Variants in PPP1R36 observed in about 807,000 individuals in gnomAD.
PPP1R36 encodes chromosome 14 open reading frame 50.
In PPP1R36, 47 loss-of-function variants were observed where a neutral mutation model predicts 53.4. The ratio of observed to expected loss-of-function variants is 0.88; its 90% CI spans 0.70 to 1.12. The LOEUF (loss-of-function observed/expected upper bound fraction) is 1.12, where lower values mean the gene tolerates loss of function less well. PPP1R36 is among the 50% of genes most tolerant of loss of function. The probability of loss-of-function intolerance (pLI) is 0.00; values close to 1 mark genes in which losing one functional copy is unlikely to be tolerated. For missense variants in PPP1R36, 456 were observed against 513.9 expected (o/e 0.89, Z 1.09); for synonymous variants, 153 against 170.5 (o/e 0.90, Z 0.80).
chr14:64,561,774 C>T (rs1456524836), intron 3 of PPP1R36: 1 of 456,044 alleles, frequency 2.2e-6, no homozygotes, highest in Non-Finnish European at 4.4e-6. Flanking sequence ...TATCCTTTCT[C>T]TTCTTGCTTC....
At chr14:64,580,494 C>T (rs2080379936) in intron 8 of PPP1R36, among the ~76,000 whole-genome samples, 1 of 152,186 alleles carries the variant, frequency 6.6e-6, no homozygotes, top group African/African-American at 2.4e-5. Flanking sequence ...GCAATTTTTA[C>T]ACAAACCTTT....
intron 6 of PPP1R36, among the ~76,000 whole-genome samples, chr14:64,567,242 G>A (rs773349240): frequency 6.6e-6 from 1 of 152,180 alleles, no homozygotes; most frequent in Non-Finnish European, 1.5e-5. Context: ...AAAATATTTA[G>A]AAAGAAAACA....
At position 64,589,136 on chromosome 14, in the gene PPP1R36, AT is replaced by A; in HGVS notation, c.1083-15del. 6.2e-7 allele frequency: 1 copy of A among 1,606,710 alleles called. No individual in the cohort carries two copies. Among genetic ancestry groups the A allele is most frequent in the Non-Finnish European group, 8.5e-7 (1 of 1,175,950 alleles). The stretch of plus-strand genomic sequence containing the variant: ...TGGCCTCATCACTTCAGCTATCCCA[AT>A]AATTCTTTTCACAGAGTTGGCATCT... On this transcript the variant is annotated splice_polypyrimidine_tract_variant and intron_variant, in intron 11 of 11. Transcript: ENST00000298705.
At chr14:64,566,966 G>A (rs2080263426) in intron 6 of PPP1R36, among the ~76,000 whole-genome samples, 1 of 152,214 alleles carries the variant, frequency 6.6e-6, no homozygotes, top group African/African-American at 2.4e-5. Flanking sequence ...CAGCCTCTTT[G>A]TTGGCTTCCT....
At chr14:64,560,441 G>GA (rs71123862) in intron 3 of PPP1R36, among the ~76,000 whole-genome samples, 61,724 of 117,850 alleles carry the variant, frequency 0.52, 14,437 homozygotes, top group East Asian at 0.69. Context: ...CCTATCTCAA[G>GA]AAAAAAAAAA....
intron 1 of PPP1R36, among the ~76,000 whole-genome samples, chr14:64,550,537 A>G (rs544748958): frequency 2.0e-5 from 3 of 152,332 alleles, no homozygotes; most frequent in South Asian, 2.1e-4. Flanking sequence ...CTGAATTTCA[A>G]TTAATTGGTA....
At chr14:64,573,946 C>CAAAAAAAAAAAAAAAAA (rs2080322994) in intron 7 of PPP1R36, among the ~76,000 whole-genome samples, 1 of 58,558 alleles carries the variant, frequency 1.7e-5, no homozygotes, top group Admixed American at 1.8e-4. Flanking sequence ...AAAAAAAAAG[C>CAAAAAAAAAAAAAAAAA]AAAAATACAC....
chr14:64,584,941 G>A (rs954927071), intron 8 of PPP1R36, among the ~76,000 whole-genome samples: 5 of 152,178 alleles, frequency 3.3e-5, no homozygotes, highest in Admixed American at 6.5e-5. Flanking sequence ...TGCTATTGCC[G>A]TAGTTCTTTA....
chr14:64,574,638 A>G, intron 8 of PPP1R36, 49 bp downstream of exon 8: 1 of 1,554,200 alleles, frequency 6.4e-7, no homozygotes, highest in Non-Finnish European at 8.7e-7. Flanking sequence ...TCATAGACTC[A>G]CATCCTTAAG....
At position 64,568,371 on chromosome 14, in the gene PPP1R36, C is replaced by G; in HGVS notation, c.457C>G (p.Leu153Val). ...FMRNKNLDNF[L>V]MALLYYLSHY... The stretch of plus-strand genomic sequence containing the variant: ...TAGGAATAAGAATCTTGATAATTTC[C>G]TCATGGCATTATTGTACTACTTATC... Residue 153 changes from leucine (L) to valine (V), a missense_variant, in exon 7 of 12, where the codon CTC (leucine) becomes GTC (valine). Transcript: ENST00000298705. 1 of 1,530,150 alleles carries G rather than the reference C, an allele frequency of 6.5e-7. No individual in the cohort carries two copies. The allele number at this position is 1,530,150 out of a possible 1,614,324, so 94.8% of individuals were successfully genotyped here. A position where few individuals can be genotyped will look rare whatever the true frequency, so the allele number is the denominator to read the frequency against.
intron 6 of PPP1R36, among the ~76,000 whole-genome samples, chr14:64,567,446 G>A (rs554615582): frequency 1.2e-4 from 19 of 152,150 alleles, no homozygotes; most frequent in South Asian, 2.1e-4. Flanking sequence ...AAAGAAAGAC[G>A]GAAATCTACA....
chr14:64,552,314 T>C (rs2080100578), intron 2 of PPP1R36, among the ~76,000 whole-genome samples: 1 of 151,850 alleles, frequency 6.6e-6, no homozygotes, highest in Admixed American at 6.6e-5. Flanking sequence ...CATGGTGAAA[T>C]CCTATCTCTA....
At chr14:64,565,012 G>A (rs186019999) in intron 4 of PPP1R36, among the ~76,000 whole-genome samples, 175 bp downstream of exon 4, 10 of 152,326 alleles carry the variant, frequency 6.6e-5, no homozygotes, top group East Asian at 1.9e-4. Context: ...CGATAGTCCC[G>A]ATAAATGTAT....
chr14:64,563,673 A>G (rs1352417212), intron 3 of PPP1R36, among the ~76,000 whole-genome samples: 1 of 152,220 alleles, frequency 6.6e-6, no homozygotes, highest in Non-Finnish European at 1.5e-5. Context: ...CAAGGAAATA[A>G]TAAAGTTCTC....
chr14:64,575,690 G>A (rs1210508647), intron 8 of PPP1R36, among the ~76,000 whole-genome samples: 1 of 147,834 alleles, frequency 6.8e-6, no homozygotes, highest in Non-Finnish European at 1.5e-5. Flanking sequence ...TTGCTCTGTT[G>A]CCCAGGCTGG....
intron 3 of PPP1R36, among the ~76,000 whole-genome samples, chr14:64,558,682 C>T (rs886648365): frequency 3.3e-5 from 5 of 150,500 alleles, no homozygotes; most frequent in Non-Finnish European, 7.4e-5. Flanking sequence ...TTGCCCCAGG[C>T]TAGAGTGCAG....
At chr14:64,550,419 G>C in intron 1 of PPP1R36, 1 of 480,974 alleles carries the variant, frequency 2.1e-6, no homozygotes, top group South Asian at 5.1e-5. Flanking sequence ...ACGGTGAAAA[G>C]GGTGTACTTA....
At chr14:64,557,931 C>T (rs541900002) in intron 3 of PPP1R36, among the ~76,000 whole-genome samples, 1 of 152,136 alleles carries the variant, frequency 6.6e-6, no homozygotes. Flanking sequence ...ATCGCTTGAA[C>T]CCAGGCGGCA....
intron 11 of PPP1R36, 101 bp from the exon 12 acceptor site, chr14:64,589,049 CAT>C (rs766656525): frequency 2.6e-5 from 20 of 772,460 alleles, no homozygotes; most frequent in Admixed American, 1.4e-4. Context: ...CTTTAGTGTA[CAT>C]ACACACACAC....
Sources: allele counts gnomAD v4.1 joint callset (sites outside exome capture counted in the v4.1 genomes callset), GRCh38; gene constraint gnomAD v4.1.1; transcripts MANE v1.5; gene names NCBI Gene and HGNC (gene_info 2026-07-23, HGNC 2026-07-21).